TAFA4: variants seen among roughly 807,000 people sequenced by gnomAD.
The protein encoded by TAFA4 is TAFA chemokine like family member 4.
TAFA4 carries 20 observed loss-of-function variants against 21.1 expected under a neutral mutation model. The ratio of observed to expected loss-of-function variants is 0.95; its 90% CI spans 0.67 to 1.38. The LOEUF (loss-of-function observed/expected upper bound fraction) is 1.38, where lower values mean the gene tolerates loss of function less well. TAFA4 is among the 40% of genes most tolerant of loss of function. The pLI, the probability that TAFA4 is intolerant of heterozygous loss-of-function variation, is 0.00. For missense variants in TAFA4, 211 were observed against 180.9 expected (o/e 1.17, Z -0.95); for synonymous variants, 71 against 67.4 (o/e 1.05, Z -0.26).
chr3:68,927,837 G>C (rs952729349), intron 1 of TAFA4, among the ~76,000 whole-genome samples: 1 of 151,566 alleles, frequency 6.6e-6, no homozygotes, highest in African/African-American at 2.4e-5. Flanking sequence ...GGTCAAGTTT[G>C]CAGAGAGCTG....
intron 3 of TAFA4, among the ~76,000 whole-genome samples, chr3:68,847,641 C>T (rs1366301187): frequency 6.6e-6 from 1 of 152,150 alleles, no homozygotes; most frequent in Non-Finnish European, 1.5e-5. Flanking sequence ...CATAGGCACC[C>T]GAGGGAATCT....
chr3:68,911,124 G>A (rs185520478), intron 1 of TAFA4, among the ~76,000 whole-genome samples: 3 of 152,292 alleles, frequency 2.0e-5, no homozygotes, highest in Admixed American at 6.5e-5. Context: ...CAAACAGCTC[G>A]CTGCTGAAAG....
chr3:68,791,600 T>C (rs1703361932), intron 3 of TAFA4, among the ~76,000 whole-genome samples: 1 of 152,228 alleles, frequency 6.6e-6, no homozygotes, highest in East Asian at 1.9e-4. Flanking sequence ...TTTCTCTTTA[T>C]AACGTATCAT....
chr3:68,773,703 A>G (rs1559516486), intron 3 of TAFA4, among the ~76,000 whole-genome samples: 1 of 152,222 alleles, frequency 6.6e-6, no homozygotes, highest in Non-Finnish European at 1.5e-5. Flanking sequence ...CCCAGGAACC[A>G]GACACATTAT....
At chr3:68,930,395 G>A (rs1228644353) in intron 1 of TAFA4, among the ~76,000 whole-genome samples, 1 of 152,142 alleles carries the variant, frequency 6.6e-6, no homozygotes, top group East Asian at 1.9e-4. Flanking sequence ...TTCTGGACAG[G>A]ACAACTTACT....
chr3:68,856,337 T>C (rs1286265098), intron 3 of TAFA4, among the ~76,000 whole-genome samples: 3 of 152,166 alleles, frequency 2.0e-5, no homozygotes, highest in Non-Finnish European at 4.4e-5. Context: ...GTGTCATTTT[T>C]AAATTAATAA....
At chr3:68,741,118 A>G (rs978824562) in intron 4 of TAFA4, among the ~76,000 whole-genome samples, 4 of 152,070 alleles carry the variant, frequency 2.6e-5, no homozygotes, top group Non-Finnish European at 4.4e-5. Context: ...AAATTGCTTT[A>G]GCTATTTGGG....
intron 3 of TAFA4, among the ~76,000 whole-genome samples, chr3:68,785,561 T>G (rs1293051620): frequency 2.0e-5 from 3 of 152,116 alleles, no homozygotes; most frequent in Non-Finnish European, 2.9e-5. Flanking sequence ...CCGCTCCTAA[T>G]GCGGGGCCCA....
intron 1 of TAFA4, among the ~76,000 whole-genome samples, chr3:68,890,886 G>A (rs549725124): frequency 5.3e-5 from 8 of 152,266 alleles, no homozygotes; most frequent in East Asian, 1.9e-4. Flanking sequence ...GCAGATGCTC[G>A]GATTGTGCCT....
chr3:68,861,045 C>T (rs2089336278), intron 3 of TAFA4, among the ~76,000 whole-genome samples: 1 of 140,576 alleles, frequency 7.1e-6, no homozygotes, highest in South Asian at 2.8e-4. Context: ...CCCCCCGCCC[C>T]CACGACTCAG....
intron 1 of TAFA4, among the ~76,000 whole-genome samples, chr3:68,905,481 A>G (rs2089890613): frequency 6.6e-6 from 1 of 152,008 alleles, no homozygotes. Context: ...CTCTGCTTTC[A>G]TACTCCTTAA....
At chr3:68,754,571 T>G (rs1367269159) in intron 3 of TAFA4, among the ~76,000 whole-genome samples, 1 of 152,224 alleles carries the variant, frequency 6.6e-6, no homozygotes, top group Non-Finnish European at 1.5e-5. Flanking sequence ...CCATTATCAG[T>G]GCTACTACCT....
chr3:68,765,631 G>A (rs903693097), intron 3 of TAFA4, among the ~76,000 whole-genome samples: 5 of 152,208 alleles, frequency 3.3e-5, no homozygotes, highest in Admixed American at 6.5e-5. Flanking sequence ...AATTAAAGAT[G>A]GCAGAGTAAC....
At chr3:68,750,710 T>A (rs967285370) in intron 4 of TAFA4, among the ~76,000 whole-genome samples, 2 of 152,238 alleles carry the variant, frequency 1.3e-5, no homozygotes, top group Non-Finnish European at 2.9e-5. Flanking sequence ...CTATCAGTAC[T>A]TTTTAGGTAC....
At chr3:68,856,763 A>G (rs985902306) in intron 3 of TAFA4, among the ~76,000 whole-genome samples, 2 of 152,090 alleles carry the variant, frequency 1.3e-5, no homozygotes, top group African/African-American at 4.8e-5. Flanking sequence ...CCTCACTCCT[A>G]CTCAGGGACA....
intron 3 of TAFA4, among the ~76,000 whole-genome samples, chr3:68,867,505 T>C (rs1362619166): frequency 6.6e-6 from 1 of 152,106 alleles, no homozygotes; most frequent in East Asian, 1.9e-4. Flanking sequence ...AACTAACTGC[T>C]AAAGTAAGTA....
intron 3 of TAFA4, among the ~76,000 whole-genome samples, chr3:68,788,770 C>T (rs1363210860): frequency 6.6e-6 from 1 of 151,628 alleles, no homozygotes; most frequent in African/African-American, 2.4e-5. Flanking sequence ...CGCCACCATA[C>T]CTGGCTAAAT....
chr3:68,819,223 T>A (rs112670146), intron 3 of TAFA4, among the ~76,000 whole-genome samples: 1 of 144,804 alleles, frequency 6.9e-6, no homozygotes, highest in Non-Finnish European at 1.5e-5. Context: ...TGAGCTGAAA[T>A]TGCACTACTG....
chr3:68,795,724 C>T (rs1043103786), intron 3 of TAFA4, among the ~76,000 whole-genome samples: 26 of 152,074 alleles, frequency 1.7e-4, no homozygotes, highest in African/African-American at 5.3e-4. Context: ...AGCTCAAGCC[C>T]ATTTGGTGAG....
Sources: allele counts gnomAD v4.1 joint callset (sites outside exome capture counted in the v4.1 genomes callset), GRCh38; gene constraint gnomAD v4.1.1; transcripts MANE v1.5; gene names NCBI Gene and HGNC (gene_info 2026-07-23, HGNC 2026-07-21).